Variants in SASH1 observed in about 807,000 individuals in gnomAD.
SASH1 encodes SAM and SH3 domain-containing protein 1.
Under a neutral mutation model 125.2 loss-of-function variants are expected in SASH1, and 44 were observed. The observed-to-expected ratio is 0.35, with a 90% confidence interval of 0.28 to 0.45. The LOEUF is 0.45. Among genes scored for constraint, SASH1 ranks in the 20% least tolerant of loss-of-function variants. SASH1 has a pLI of 1.00. For missense variants in SASH1, 1,426 were observed against 1,614.5 expected (o/e 0.88, Z 2.00); for synonymous variants, 639 against 649.1 (o/e 0.98, Z 0.24).
At chr6:148,471,724 TCTTTC>T (rs1454334112) in intron 6 of SASH1, among the ~76,000 whole-genome samples, 2 of 152,236 alleles carry the variant, frequency 1.3e-5, no homozygotes, top group Non-Finnish European at 2.9e-5. Flanking sequence ...AGTTCACAGT[TCTTTC>T]CTTTCATAGA....
chr6:148,463,053 T>TA (rs1177348376), intron 4 of SASH1, among the ~76,000 whole-genome samples: 1 of 152,142 alleles, frequency 6.6e-6, no homozygotes, highest in East Asian at 1.9e-4. Flanking sequence ...TCTATGGTCT[T>TA]ACGAGGATCT....
At chr6:148,320,332 A>G (rs1780605379) in intron 1 of SASH1, among the ~76,000 whole-genome samples, 1 of 152,190 alleles carries the variant, frequency 6.6e-6, no homozygotes, top group South Asian at 2.1e-4. Flanking sequence ...ATCAAGGTAC[A>G]TTATTGGTGT....
At position 148,532,244 on chromosome 6, in the gene SASH1, T is replaced by TTTTG. The variant is rs1241246287; in HGVS notation, c.1565-550_1565-547dup. Among the ~76,000 whole-genome samples the TTTTG allele has an allele frequency of 6.6e-6, 1 of 152,034 alleles. No individual in the cohort carries two copies. The highest frequency in any genetic ancestry group is 6.6e-5 in the Admixed American group (1 of 15,262). On this transcript the variant is annotated intron_variant, in intron 13 of 19. Transcript: ENST00000367467. The surrounding 1 kb of genome is among the most constrained non-coding windows in gnomAD (Gnocchi z 4.7). ...GGGTCATGCCACCACACCCGGCTAA[T>TTTTG]TTTGTTGTAGAGACGGGGTTTTGCC...
intron 1 of SASH1, among the ~76,000 whole-genome samples, chr6:148,361,006 C>T (rs1466233109): frequency 6.6e-6 from 1 of 152,150 alleles, no homozygotes; most frequent in Non-Finnish European, 1.5e-5. Flanking sequence ...GGGACACAGA[C>T]ACAGATGTGC....
At position 148,549,592 on chromosome 6, in the gene SASH1, T is replaced by C. The variant is rs1782775723; in HGVS notation, c.*1034T>C. 2.5e-6 allele frequency: 1 copy of C among 399,038 alleles called. No homozygotes were observed. The highest frequency in any genetic ancestry group is 4.4e-6 in the Non-Finnish European group (1 of 226,038). The allele number at this position is 399,038 out of a possible 1,614,324, so 24.7% of individuals were successfully genotyped here. On this transcript the variant is annotated 3_prime_UTR_variant, in exon 20 of 20. Coordinates refer to ENST00000367467, the MANE Select transcript of SASH1 (RefSeq NM_015278.5). Reference sequence around the variant, plus strand: ...TGCAAAAGGTCACTGTGAGGCTGCATATTTCAGAAAGATGTCCTTAATAAG... The same window carrying C: ...TGCAAAAGGTCACTGTGAGGCTGCACATTTCAGAAAGATGTCCTTAATAAG...
At chr6:148,255,878 G>C in the SASH1 span, among the ~76,000 whole-genome samples, 2 of 152,134 alleles carry the variant, frequency 1.3e-5, no homozygotes, top group Non-Finnish European at 2.9e-5. Context: ...CTGGACTCAA[G>C]CAATCTACCC....
chr6:148,474,301 G>T, intron 7 of SASH1, 79 bp downstream of exon 7: 2 of 794,156 alleles, frequency 2.5e-6, no homozygotes, highest in Admixed American at 4.5e-5. Flanking sequence ...CCAACAAGGG[G>T]TATAGGAATC....
At chr6:148,272,737 A>C (rs1185712524) in intron 1 of SASH1, among the ~76,000 whole-genome samples, 1 of 152,178 alleles carries the variant, frequency 6.6e-6, no homozygotes, top group Admixed American at 6.5e-5. Context: ...TATCTATGAA[A>C]ACTTTTTTAA....
At chr6:148,233,674 T>C in the SASH1 span, among the ~76,000 whole-genome samples, 3 of 143,312 alleles carry the variant, frequency 2.1e-5, no homozygotes, top group Admixed American at 7.3e-5. Flanking sequence ...GAGGGAGGAT[T>C]GCTTGAGGTC....
chr6:148,447,391 T>C (rs1776845842), intron 4 of SASH1, among the ~76,000 whole-genome samples: 1 of 152,242 alleles, frequency 6.6e-6, no homozygotes, highest in Admixed American at 6.5e-5. Context: ...CCTTGGACAA[T>C]GCTTCGCTCT....
chr6:148,341,694 CAAAA>C (rs1020592517), upstream of SASH1, among the ~76,000 whole-genome samples: 17 of 150,894 alleles, frequency 1.1e-4, no homozygotes, highest in Admixed American at 6.6e-4. Context: ...AACAAACAAA[CAAAA>C]AAAACCCCAC....
intron 4 of SASH1, among the ~76,000 whole-genome samples, chr6:148,443,904 C>T (rs1776664893): frequency 6.6e-6 from 1 of 152,184 alleles, no homozygotes. Context: ...CAAAGGGTGA[C>T]CTGGCGAACC....
intron 1 of SASH1, among the ~76,000 whole-genome samples, chr6:148,361,438 A>G (rs1371382928): frequency 6.6e-6 from 1 of 152,128 alleles, no homozygotes; most frequent in African/African-American, 2.4e-5. Context: ...CCCTGTCTCT[A>G]TTAAAAATAC....
chr6:148,517,400 A>G (rs1257000064), intron 9 of SASH1, among the ~76,000 whole-genome samples: 1 of 152,196 alleles, frequency 6.6e-6, no homozygotes, highest in Non-Finnish European at 1.5e-5. Context: ...TGAATAAGAT[A>G]GATGATGGAG....
At chr6:148,265,263 A>G in the SASH1 span, among the ~76,000 whole-genome samples, 5,465 of 145,428 alleles carry the variant, frequency 0.038, 225 homozygotes, top group Admixed American at 0.1. Flanking sequence ...TGAGCTAAGC[A>G]GGTTCCACTG....
At chr6:148,216,488 A>G in the SASH1 span, among the ~76,000 whole-genome samples, 1 of 152,306 alleles carries the variant, frequency 6.6e-6, no homozygotes, top group Admixed American at 6.5e-5. Context: ...TGATATTGTT[A>G]TTCTAATACC....
At chr6:148,216,500 T>C in the SASH1 span, among the ~76,000 whole-genome samples, 1 of 152,160 alleles carries the variant, frequency 6.6e-6, no homozygotes, top group Non-Finnish European at 1.5e-5. Context: ...TCTAATACCA[T>C]GAACAAAAAC....
chr6:148,369,792 A>G (rs1052204829), intron 1 of SASH1, among the ~76,000 whole-genome samples: 1 of 151,944 alleles, frequency 6.6e-6, no homozygotes, highest in Non-Finnish European at 1.5e-5. Context: ...CATCTCTACT[A>G]AAAATACAAA....
At chr6:148,278,011 G>A (rs897565908) in intron 1 of SASH1, among the ~76,000 whole-genome samples, 16 of 151,444 alleles carry the variant, frequency 1.1e-4, no homozygotes, top group East Asian at 7.9e-4. Flanking sequence ...CACTGCTCCC[G>A]GCCTTGTTTT....
Sources: gnomAD v4.1 joint callset for allele counts (sites outside exome capture counted in the v4.1 genomes callset) on GRCh38, gnomAD v4.1.1 for gene constraint, Gnocchi (gnomAD v3.1) non-coding constraint, MANE v1.5 for transcripts, NCBI Gene and HGNC (gene_info 2026-07-23, HGNC 2026-07-21) for gene names.